Variants in PROM1 observed in about 807,000 individuals in gnomAD.
PROM1 encodes the protein prominin-1.
PROM1 carries 105 observed loss-of-function variants against 116.9 expected under a neutral mutation model. That is an observed-to-expected ratio of 0.90 (90% CI 0.77 to 1.06). The LOEUF (loss-of-function observed/expected upper bound fraction) is 1.06. Among genes scored for constraint, PROM1 ranks in the 50% least tolerant of loss-of-function variants. The pLI, the probability that PROM1 is intolerant of heterozygous loss-of-function variation, is 0.00. For missense variants in PROM1, 1,122 were observed against 1,045.2 expected, an observed-to-expected ratio of 1.07 and a Z score of -1.01; for synonymous variants, 393 against 387.0, an observed-to-expected ratio of 1.02 and a Z score of -0.18.
At chr4:16,030,548 G>A (rs1732427526) in intron 5 of PROM1, among the ~76,000 whole-genome samples, 1 of 152,120 alleles carries the variant, frequency 6.6e-6, no homozygotes, top group South Asian at 2.1e-4. Context: ...TGATAGGTCT[G>A]AGTTCTCAAG....
At chr4:16,046,559 A>G (rs1177717062) in intron 2 of PROM1, among the ~76,000 whole-genome samples, 1 of 152,244 alleles carries the variant, frequency 6.6e-6, no homozygotes, top group Admixed American at 6.5e-5. Flanking sequence ...AAATGTTTAA[A>G]TCTACATTGA....
intron 11 of PROM1, among the ~76,000 whole-genome samples, chr4:16,010,494 A>G (rs1726643442): frequency 6.6e-6 from 1 of 152,164 alleles, no homozygotes; most frequent in South Asian, 2.1e-4. Context: ...TCACATAAAA[A>G]TGGCAAGAAA....
In PROM1 at chr4:16,016,219, G is replaced by A; in HGVS notation, c.1024C>T (p.Leu342Phe). 1 of 1,553,414 alleles carries A rather than the reference G, an allele frequency of 6.4e-7. No homozygotes were observed. Among genetic ancestry groups the A allele is most frequent in the Non-Finnish European group, 8.7e-7 (1 of 1,147,864 alleles). Residue 342 changes from leucine (L) to phenylalanine (F), a missense_variant, in exon 10 of 28, where the codon CTT (leucine) becomes TTT (phenylalanine). By Grantham distance (22) the Leu-to-Phe change is conservative. Transcript: ENST00000447510. Reference protein sequence around the residue: ...LRQLPPVDAELDNVNNVLRTD... With the variant: ...LRQLPPVDAEFDNVNNVLRTD... ...CTAAGAACGTTATTAACGTTGTCAA[G>A]TTCTGCATCCACGGGTGGAAGCTGA...
intron 2 of PROM1, among the ~76,000 whole-genome samples, chr4:16,039,457 G>T (rs991232429): frequency 6.6e-6 from 1 of 152,202 alleles, no homozygotes; most frequent in Non-Finnish European, 1.5e-5. Context: ...ACTCAACCCG[G>T]CAGGATGCCG....
At chr4:16,036,901 G>C (rs913868390) in intron 3 of PROM1, among the ~76,000 whole-genome samples, 3 of 152,188 alleles carry the variant, frequency 2.0e-5, no homozygotes, top group East Asian at 1.9e-4. Flanking sequence ...GTAGGAATCA[G>C]CTCATTCATG....
Position 15,979,971 on chromosome 4 carries a change from T to G in PROM1, c.2490-67A>C, listed in dbSNP as rs371723531. ...TTATTATGAAAGCTCAGCAACTACA[T>G]CCCCCAAATATTTACTCTAACACGG... On this transcript the variant is annotated intron_variant, in intron 24 of 27. Coordinates refer to ENST00000447510, the MANE Select transcript of PROM1 (RefSeq NM_006017.3). 652 of 946,754 alleles carry G rather than the reference T, an allele frequency of 6.9e-4. 3 individuals are homozygous for G. In the African/African-American group the frequency reaches 9.5e-3, roughly 14 times the overall value. 58.6% of individuals were successfully genotyped at this position (946,754 alleles called of 1,614,324 possible). A position where few individuals can be genotyped will look rare whatever the true frequency, so the allele number is the denominator to read the frequency against.
At chr4:15,978,977 TG>T (rs578150751) in intron 26 of PROM1, among the ~76,000 whole-genome samples, 202 of 150,434 alleles carry the variant, frequency 1.3e-3, no homozygotes, top group Non-Finnish European at 6.8e-4. Context: ...GTTAATTTAT[TG>T]GAAGGAAGGA....
At chr4:16,001,509 C>T (rs1723833767) in intron 13 of PROM1, among the ~76,000 whole-genome samples, 1 of 152,034 alleles carries the variant, frequency 6.6e-6, no homozygotes, top group South Asian at 2.1e-4. Context: ...GAAGGAGGGG[C>T]CAGCAAACCA....
chr4:15,996,249 C>T (rs2149152385), intron 15 of PROM1, among the ~76,000 whole-genome samples: 1 of 152,300 alleles, frequency 6.6e-6, no homozygotes, highest in East Asian at 1.9e-4. Flanking sequence ...GGGGCTCACG[C>T]CTGTAATCCC....
At chr4:16,069,386 G>A (rs1392791991) in intron 2 of PROM1, among the ~76,000 whole-genome samples, 1 of 152,190 alleles carries the variant, frequency 6.6e-6, no homozygotes, top group African/African-American at 2.4e-5. Context: ...GTTCATCACG[G>A]CCACATAAAA....
At chr4:16,067,900 G>A (rs533222439) in intron 2 of PROM1, among the ~76,000 whole-genome samples, 4 of 152,260 alleles carry the variant, frequency 2.6e-5, no homozygotes, top group Admixed American at 1.3e-4. Flanking sequence ...TGATTGGTTC[G>A]GGTGAGCCAG....
intron 23 of PROM1, 144 bp from the exon 24 acceptor site, chr4:15,980,681 T>A: frequency 1.6e-6 from 1 of 642,814 alleles, no homozygotes; most frequent in East Asian, 2.7e-5. Context: ...AATTTGAGAA[T>A]GTCATGTGGA....
intron 2 of PROM1, among the ~76,000 whole-genome samples, chr4:16,075,309 C>T (rs1483639711): frequency 6.6e-6 from 1 of 152,190 alleles, no homozygotes; most frequent in Non-Finnish European, 1.5e-5. Flanking sequence ...CCATCAGTTG[C>T]TAGTTATTCG....
intron 2 of PROM1, among the ~76,000 whole-genome samples, chr4:16,067,790 G>A (rs966294357): frequency 4.0e-5 from 6 of 151,726 alleles, no homozygotes; most frequent in African/African-American, 1.5e-4. Context: ...CCTGGGTACC[G>A]CTTCTCTCTG....
intron 2 of PROM1, among the ~76,000 whole-genome samples, chr4:16,040,673 A>G (rs1404965026): frequency 6.6e-6 from 1 of 152,344 alleles, no homozygotes; most frequent in Admixed American, 6.5e-5. Flanking sequence ...CATGTGCAAA[A>G]TAAGACGTCC....
chr4:16,006,484 C>T, intron 13 of PROM1, 54 bp downstream of exon 13: 1 of 1,512,814 alleles, frequency 6.6e-7, no homozygotes, highest in Non-Finnish European at 8.9e-7. Flanking sequence ...AGTCAGCACC[C>T]AGTCTCTCTC....
At chr4:16,038,890 C>A in intron 3 of PROM1, 56 bp downstream of exon 3, 1 of 1,421,258 alleles carries the variant, frequency 7.0e-7, no homozygotes, top group Non-Finnish European at 9.2e-7. Context: ...TCAAGTCAGC[C>A]AAAATTTTTC....
intron 11 of PROM1, among the ~76,000 whole-genome samples, 168 bp from the exon 12 acceptor site, chr4:16,009,276 C>T (rs949564828): frequency 6.6e-6 from 1 of 152,198 alleles, no homozygotes; most frequent in Admixed American, 6.5e-5. Context: ...CCAAGACCAT[C>T]GAAAAGCAAT....
intron 2 of PROM1, among the ~76,000 whole-genome samples, chr4:16,053,530 TAA>T (rs1371955855): frequency 6.6e-6 from 1 of 152,220 alleles, no homozygotes; most frequent in African/African-American, 2.4e-5. Flanking sequence ...TGATGATACT[TAA>T]GAGTAAAATA....
Sources: gnomAD v4.1 joint callset for allele counts (sites outside exome capture counted in the v4.1 genomes callset) on GRCh38, gnomAD v4.1.1 for gene constraint, MANE v1.5 for transcripts, NCBI Gene and HGNC (gene_info 2026-07-23, HGNC 2026-07-21) for gene names.